Variants in ANKHD1 observed in about 807,000 individuals in gnomAD.
The protein encoded by ANKHD1 is ankyrin repeat and KH domain-containing protein 1.
A neutral mutation model predicts 230.5 loss-of-function variants in ANKHD1; 31 were observed. The observed-to-expected ratio is 0.13, with a 90% CI of 0.10 to 0.18. The LOEUF (loss-of-function observed/expected upper bound fraction) is 0.18. Among genes scored for constraint, ANKHD1 ranks in the 10% least tolerant of loss-of-function variants. ANKHD1 has a pLI of 1.00. For missense variants in ANKHD1, 2,256 were observed against 3,071.3 expected, an observed-to-expected ratio of 0.73 and a Z score of 6.27; for synonymous variants, 1,074 against 1,117.6, an observed-to-expected ratio of 0.96 and a Z score of 0.78.
chr5:140,487,546 A>T (rs1751565748), intron 14 of ANKHD1, among the ~76,000 whole-genome samples: 2 of 152,234 alleles, frequency 1.3e-5, no homozygotes, highest in Non-Finnish European at 1.5e-5. Context: ...GTGAACCTGG[A>T]CAAATAACTA....
chr5:140,407,870 C>T (rs1373145795), intron 1 of ANKHD1, among the ~76,000 whole-genome samples: 3 of 151,810 alleles, frequency 2.0e-5, no homozygotes, highest in Non-Finnish European at 4.4e-5. Flanking sequence ...GTGTGACGGC[C>T]CTCTTTTAAA....
intron 15 of ANKHD1, among the ~76,000 whole-genome samples, chr5:140,499,153 A>G (rs1304698133): frequency 6.6e-6 from 1 of 152,012 alleles, no homozygotes; most frequent in Non-Finnish European, 1.5e-5. Context: ...TGTGAAGGCT[A>G]TGTGTTTTGA....
At chr5:140,487,704 C>T (rs1317940826) in intron 14 of ANKHD1, among the ~76,000 whole-genome samples, 2 of 152,138 alleles carry the variant, frequency 1.3e-5, no homozygotes, top group East Asian at 1.9e-4. Context: ...AATGTACCTT[C>T]ACTTCATAAT....
intron 1 of ANKHD1, among the ~76,000 whole-genome samples, chr5:140,416,786 G>T (rs1771433481): frequency 6.6e-6 from 1 of 151,022 alleles, no homozygotes; most frequent in Admixed American, 6.6e-5. Context: ...TGCCTAACCT[G>T]TTCTTCTTTT....
intron 10 of ANKHD1, among the ~76,000 whole-genome samples, chr5:140,476,458 G>GA (rs1162866910): frequency 2.0e-5 from 3 of 151,638 alleles, no homozygotes; most frequent in Admixed American, 6.6e-5. Flanking sequence ...GCTATCAGAG[G>GA]AAAAAAACGC....
At chr5:140,478,700 A>C (rs1328250733) in intron 10 of ANKHD1, among the ~76,000 whole-genome samples, 3 of 152,080 alleles carry the variant, frequency 2.0e-5, no homozygotes, top group Admixed American at 2.0e-4. Flanking sequence ...GCTGGAGTGC[A>C]ATGGTGCAGT....
At chr5:140,429,857 C>T (rs886524644) in intron 1 of ANKHD1, among the ~76,000 whole-genome samples, 5 of 152,194 alleles carry the variant, frequency 3.3e-5, no homozygotes, top group East Asian at 1.9e-4. Context: ...TTAATGTGGA[C>T]GTGAGTTTTG....
chr5:140,514,138 T>A (rs2127065093), intron 24 of ANKHD1, among the ~76,000 whole-genome samples: 1 of 148,256 alleles, frequency 6.7e-6, no homozygotes, highest in African/African-American at 2.5e-5. Context: ...TGAGCCATAA[T>A]TACACACTGC....
At chr5:140,512,696 C>T in intron 22 of ANKHD1, 132 bp from the exon 23 acceptor site, 9 of 675,602 alleles carry the variant, frequency 1.3e-5, no homozygotes, top group South Asian at 2.3e-5. Context: ...CCTTTTTATT[C>T]TTAAATTGGT....
intron 14 of ANKHD1, among the ~76,000 whole-genome samples, chr5:140,491,754 C>T: frequency 6.6e-6 from 1 of 152,126 alleles, no homozygotes; most frequent in East Asian, 1.9e-4. Context: ...TTTGGAACAT[C>T]ATCTCCCCAC....
At chr5:140,501,594 A>G (rs1410728657) in intron 15 of ANKHD1, among the ~76,000 whole-genome samples, 1 of 151,828 alleles carries the variant, frequency 6.6e-6, no homozygotes. Flanking sequence ...CTAAAAATAC[A>G]AAAAAATTAG....
At chr5:140,405,261 A>G (rs923155301) in intron 1 of ANKHD1, among the ~76,000 whole-genome samples, 2 of 152,270 alleles carry the variant, frequency 1.3e-5, no homozygotes, top group African/African-American at 2.4e-5. Flanking sequence ...TAGGATACCC[A>G]CTTTAGCCTA....
At chr5:140,407,830 G>T (rs1581198025) in intron 1 of ANKHD1, among the ~76,000 whole-genome samples, 1 of 152,048 alleles carries the variant, frequency 6.6e-6, no homozygotes, top group African/African-American at 2.4e-5. Flanking sequence ...GAATGTGTGT[G>T]TATATGTGTG....
rs1280891429 is a variant in ANKHD1 at position 140,526,312 on chromosome 5, T to C, written c.4809T>C (p.Ser1603=). Residue 1603 remains serine, a synonymous_variant, in exon 26 of 34, where the codon AGT becomes AGC. Coordinates refer to ENST00000360839, the MANE Select transcript of ANKHD1 (RefSeq NM_017747.3). ...SDNLDSTDCN[S]ESSSGGKSQE... is the part of the protein sequence containing the mutation. ...ACTTGGACAGCACAGACTGCAACAG[T>C]GAGAGTAGCAGTGGTGGTAAAAGCC... 21 of 1,614,094 alleles carry C rather than the reference T, an allele frequency of 1.3e-5. No homozygotes were observed. In the East Asian group the frequency reaches 4.7e-4, roughly 36 times the overall value.
chr5:140,478,871 T>G (rs1751109672), intron 10 of ANKHD1, among the ~76,000 whole-genome samples: 1 of 152,146 alleles, frequency 6.6e-6, no homozygotes, highest in African/African-American at 2.4e-5. Context: ...CTGGAACTCC[T>G]GACCTCAGGT....
At chr5:140,497,534 G>A (rs1016558966) in intron 15 of ANKHD1, among the ~76,000 whole-genome samples, 4 of 152,114 alleles carry the variant, frequency 2.6e-5, no homozygotes, top group Admixed American at 1.3e-4. Context: ...GTTTTAAACC[G>A]TTGGTATCAA....
In ANKHD1 at chr5:140,402,185, C is replaced by T. The variant is rs1335130890; in HGVS notation, c.218C>T (p.Ala73Val). The T allele has an allele frequency of 2.6e-6, 4 of 1,521,952 alleles. No individual in the cohort carries two copies. Among genetic ancestry groups the T allele is most frequent in the African/African-American group, 1.4e-5 (1 of 70,958 alleles). 94.3% of individuals were successfully genotyped at this position (1,521,952 alleles called of 1,614,324 possible). The change falls in exon 1 of 34, where the codon GCG becomes GTG. Residue 73 changes from alanine (A) to valine (V), a missense_variant. By Grantham distance (64) the Ala-to-Val change is moderately conservative. Transcript: ENST00000360839. ...GGCAGCGGTACGGGCGGAGGGGACG[C>T]GGCGCTGGATTTCAAGTTGGCGGCT... The part of the protein sequence containing the change: ...GSGSGTGGGD[A>V]ALDFKLAAAV...
At chr5:140,534,860 TGAA>T (rs1754001933) in intron 29 of ANKHD1, among the ~76,000 whole-genome samples, 1 of 152,248 alleles carries the variant, frequency 6.6e-6, no homozygotes, top group Admixed American at 6.5e-5. Flanking sequence ...GATAGAATAC[TGAA>T]ATTATCCTCA....
intron 10 of ANKHD1, among the ~76,000 whole-genome samples, chr5:140,476,926 G>A (rs1360830615): frequency 6.6e-6 from 1 of 152,122 alleles, no homozygotes; most frequent in Non-Finnish European, 1.5e-5. Flanking sequence ...TTTTGTTGTT[G>A]TTCAGGAGGA....
Sources: allele counts gnomAD v4.1 joint callset (sites outside exome capture counted in the v4.1 genomes callset), GRCh38; gene constraint gnomAD v4.1.1; transcripts MANE v1.5; gene names NCBI Gene and HGNC (gene_info 2026-07-23, HGNC 2026-07-21).